Variants in DGKK observed in about 807,000 individuals in gnomAD.
The protein encoded by DGKK is diacylglycerol kinase kappa.
Under a neutral mutation model 92.2 loss-of-function variants are expected in DGKK, and 35 were observed. The observed-to-expected ratio is 0.38, with a 90% confidence interval of 0.29 to 0.50. The LOEUF (loss-of-function observed/expected upper bound fraction) is 0.50, where lower values mean the gene tolerates loss of function less well. Among genes scored for constraint, DGKK ranks in the 20% least tolerant of loss-of-function variants. DGKK has a pLI of 0.92. For missense variants in DGKK, 910 were observed against 992.2 expected (o/e 0.92, Z 1.11); for synonymous variants, 368 against 360.6 (o/e 1.02, Z -0.23).
chrX:50,392,379 C>T lies in DGKK; in HGVS notation c.1666G>A (p.Val556Ile), dbSNP rs1242518687. 8.3e-7 allele frequency: 1 copy of T among 1,211,195 alleles called. No individual in the cohort carries two copies. Among genetic ancestry groups the T allele is most frequent in the South Asian group, 1.8e-5 (1 of 56,966 alleles). The change falls in exon 10 of 28, where the codon GTC becomes ATC. Residue 556 changes from valine (V) to isoleucine (I), a missense_variant. Val to Ile is a conservative substitution (Grantham distance 29). Transcript: ENST00000611977. ...VCGGDGSVSW[V>I]LSLIDAFGLH... ...CCAAAGGCATCAATCAGAGATAAGACCCAGCTCACGCTGCCATCTCCACCA... is the reference window on the plus strand; with the variant it reads ...CCAAAGGCATCAATCAGAGATAAGATCCAGCTCACGCTGCCATCTCCACCA...
Position 50,470,100 on chromosome X carries a change from T to C in DGKK, c.579A>G (p.Leu193=), listed in dbSNP as rs1927019267. 8.3e-7 allele frequency: 1 copy of C among 1,212,064 alleles called. No homozygotes were observed. The highest frequency in any genetic ancestry group is 1.1e-6 in the Non-Finnish European group (1 of 895,429). ...QCPVDTRERG[L]KTSPSPSPSP... ...ATGGCGATGGCGATGGCGAGGTCTT[T>C]AGACCTCTCTCTCGAGTGTCCACCG... The change falls in exon 1 of 28, where the codon CTA becomes CTG. Residue 193 remains leucine, a synonymous_variant. Transcript: ENST00000611977.
intron 4 of DGKK, among the ~76,000 whole-genome samples, chrX:50,414,725 T>C (rs1925389446): frequency 9.0e-6 from 1 of 111,500 alleles, no homozygotes; most frequent in Non-Finnish European, 1.9e-5. Flanking sequence ...GAAAATATGT[T>C]TGAAAAGGTG....
chrX:50,398,554 T>C (rs1557226300), intron 8 of DGKK, among the ~76,000 whole-genome samples: 1 of 111,596 alleles, frequency 9.0e-6, no homozygotes, highest in East Asian at 2.8e-4. Flanking sequence ...AAAGAATAGA[T>C]TAGCCCAGGT....
At chrX:50,438,451 G>C (rs1926089181) in intron 1 of DGKK, among the ~76,000 whole-genome samples, 1 of 111,631 alleles carries the variant, frequency 9.0e-6, no homozygotes, top group South Asian at 3.8e-4. Context: ...TACAAAGAGG[G>C]ATGACTTTGA....
chrX:50,465,696 A>T (rs1300664592), intron 1 of DGKK, among the ~76,000 whole-genome samples: 1 of 111,443 alleles, frequency 9.0e-6, no homozygotes, highest in Non-Finnish European at 1.9e-5. Context: ...TTGGAAAAAA[A>T]TTCAGAGCTG....
intron 24 of DGKK, 108 bp downstream of exon 24, chrX:50,375,916 C>G (rs1557223767): frequency 1.1e-6 from 1 of 932,249 alleles, no homozygotes; most frequent in African/African-American, 2.0e-5. Flanking sequence ...CAGTTTCCTG[C>G]CATATTTGCC....
Position 50,370,453 on chromosome X carries a change from A to G in DGKK, c.3709T>C (p.Ser1237Pro). 1 of 1,192,783 alleles carries G rather than the reference A, an allele frequency of 8.4e-7. No homozygotes were observed. ...KKVEEERKPKSGQSVQSFIGN... is the reference protein window; with the variant it reads ...KKVEEERKPKPGQSVQSFIGN... Reference sequence around the variant, plus strand: ...ATAAAACTCTGGACACTCTGGCCTGATTTAGGCTTGCGTTCCTCTTCTACC... The same window carrying G: ...ATAAAACTCTGGACACTCTGGCCTGGTTTAGGCTTGCGTTCCTCTTCTACC... The change falls in exon 27 of 28, where the codon TCA becomes CCA. Residue 1237 changes from serine to proline, a missense_variant. Physicochemically the swap from Ser to Pro is moderately conservative, Grantham distance 74. Coordinates refer to ENST00000611977, the MANE Select transcript of DGKK (RefSeq NM_001013742.4).
At chrX:50,417,850 T>G (rs1305937442) in intron 4 of DGKK, among the ~76,000 whole-genome samples, 1 of 111,129 alleles carries the variant, frequency 9.0e-6, no homozygotes, top group Non-Finnish European at 1.9e-5. Context: ...TTGAACACAT[T>G]GCAAATCTTC....
intron 1 of DGKK, 85 bp downstream of exon 1, chrX:50,469,949 A>G (rs1927011709): frequency 1.8e-6 from 2 of 1,102,487 alleles, no homozygotes; most frequent in Admixed American, 6.7e-5. Context: ...AGCGGGATGC[A>G]AGGGGTACCC....
intron 1 of DGKK, among the ~76,000 whole-genome samples, chrX:50,435,736 TGAGAGAGA>T (rs782053248): frequency 9.4e-6 from 1 of 105,881 alleles, no homozygotes; most frequent in East Asian, 3.0e-4. Context: ...TGTGTGTGTA[TGAGAGAGA>T]GAGAGAGAGA....
At chrX:50,386,659 G>T in intron 14 of DGKK, 73 bp from the exon 15 acceptor site, 1 of 904,680 alleles carries the variant, frequency 1.1e-6, no homozygotes, top group Non-Finnish European at 1.6e-6. Context: ...GAGGAGTGGT[G>T]GTGATATGGG....
intron 25 of DGKK, 23 bp downstream of exon 25, chrX:50,374,948 A>G (rs782591580): frequency 1.7e-6 from 2 of 1,187,019 alleles, no homozygotes; most frequent in Non-Finnish European, 1.1e-6. Flanking sequence ...TTGCCCTCCC[A>G]GACTCCAACC....
At chrX:50,469,812 G>A (rs1557234322) in intron 1 of DGKK, among the ~76,000 whole-genome samples, 2 of 110,860 alleles carry the variant, frequency 1.8e-5, no homozygotes, top group African/African-American at 6.6e-5. Context: ...TGTCACCCCC[G>A]TTTCTAGCCC....
intron 1 of DGKK, among the ~76,000 whole-genome samples, chrX:50,436,151 G>T (rs144401505): frequency 0.01 from 1,127 of 112,258 alleles, 7 homozygotes; most frequent in Middle Eastern, 0.046. Context: ...AAGCTGAAAA[G>T]CTGTACCAAT....
At chrX:50,422,418 C>T (rs1164996778) in intron 3 of DGKK, 28 bp downstream of exon 3, 2 of 1,141,029 alleles carry the variant, frequency 1.8e-6, no homozygotes, top group African/African-American at 3.6e-5. Flanking sequence ...CTACCCCTGC[C>T]CATTCAGTCA....
intron 1 of DGKK, among the ~76,000 whole-genome samples, chrX:50,447,165 G>T (rs1157548058): frequency 1.1e-5 from 1 of 94,391 alleles, no homozygotes; most frequent in Non-Finnish European, 2.1e-5. Context: ...ATTAAATAGG[G>T]AAGCATGACT....
chrX:50,377,667 G>A (rs1557223980), intron 22 of DGKK, among the ~76,000 whole-genome samples: 1 of 112,110 alleles, frequency 8.9e-6, no homozygotes, highest in African/African-American at 3.2e-5. Context: ...AGCATTTTAA[G>A]GAACCTTAGA....
chrX:50,369,089 C>T, intron 27 of DGKK, 70 bp from the exon 28 acceptor site: 4 of 836,629 alleles, frequency 4.8e-6, no homozygotes, highest in Non-Finnish European at 5.2e-6. Flanking sequence ...GTATGTGGAC[C>T]CAAAAGAGAG....
chrX:50,402,948 T>C (rs1170492179), intron 7 of DGKK, 113 bp downstream of exon 7: 4 of 1,011,597 alleles, frequency 4.0e-6, no homozygotes, highest in Middle Eastern at 3.6e-4. Context: ...GTTTAACCTG[T>C]TTTGAGATAA....
Sources: allele counts gnomAD v4.1 joint callset (sites outside exome capture counted in the v4.1 genomes callset), GRCh38; gene constraint gnomAD v4.1.1; transcripts MANE v1.5; gene names NCBI Gene and HGNC (gene_info 2026-07-23, HGNC 2026-07-21).